CABLES1: variants seen among roughly 807,000 people sequenced by gnomAD.
The protein encoded by CABLES1 is Cdk5 and Abl enzyme substrate 1.
A neutral mutation model predicts 57.8 loss-of-function variants in CABLES1; 36 were observed. The ratio of observed to expected loss-of-function variants is 0.62; its 90% confidence interval spans 0.48 to 0.82. The LOEUF (loss-of-function observed/expected upper bound fraction) is 0.82. Ranked by LOEUF, CABLES1 falls within the 40% of genes least tolerant of loss-of-function variation. The probability of loss-of-function intolerance (pLI) is 0.00; values close to 1 mark genes in which losing one functional copy is unlikely to be tolerated. For missense variants in CABLES1, 767 were observed against 836.6 expected, an observed-to-expected ratio of 0.92 and a Z score of 1.03; for synonymous variants, 374 against 363.0, an observed-to-expected ratio of 1.03 and a Z score of -0.35.
chr18:23,193,322 G>C (rs961158536), intron 2 of CABLES1, among the ~76,000 whole-genome samples: 15 of 152,058 alleles, frequency 9.9e-5, no homozygotes, highest in Admixed American at 6.6e-5. Flanking sequence ...CTCCTGAGTA[G>C]CTGGGATTAC....
chr18:23,220,690 G>T lies in CABLES1; in HGVS notation c.1088+6636G>T, dbSNP rs62093420. ...CTCGGAGGTCACAGCTCTCATAGGT[G>T]TGCCACACACGGGCTGCCCTCTGGG... On this transcript the variant is annotated intron_variant, in intron 4 of 9. Transcript: ENST00000256925. Among the ~76,000 whole-genome samples, 1,141 of 152,274 alleles carry T rather than the reference G, an allele frequency of 7.5e-3. 6 individuals are homozygous for T. Among genetic ancestry groups the T allele is most frequent in the Admixed American group, 0.012 (178 of 15,304 alleles).
rs1414393742 is a variant in CABLES1 at position 23,135,817 on chromosome 18, G to A, written c.55G>A (p.Gly19Ser). The A allele has an allele frequency of 1.0e-6, 1 of 957,206 alleles. No homozygotes were observed. The highest frequency in any genetic ancestry group is 1.2e-6 in the Non-Finnish European group (1 of 805,898). The allele number at this position is 957,206 out of a possible 1,614,324, so 59.3% of individuals were successfully genotyped here. A position where few individuals can be genotyped will look rare whatever the true frequency, so the allele number is the denominator to read the frequency against. The change falls in exon 1 of 10, where the codon GGC becomes AGC. Residue 19 changes from glycine to serine, a missense_variant. Coordinates refer to ENST00000256925, the MANE Select transcript of CABLES1 (RefSeq NM_001100619.3). Reference protein sequence around the residue: ...TTAACSSGSAGTDAAGASGLQ... With the variant: ...TTAACSSGSASTDAAGASGLQ... Reference sequence around the variant, plus strand: ...GGCCGCCTGCAGCAGCGGCAGCGCCGGCACCGACGCCGCGGGCGCCAGCGG... The same window carrying A: ...GGCCGCCTGCAGCAGCGGCAGCGCCAGCACCGACGCCGCGGGCGCCAGCGG...
At chr18:23,191,906 T>TAAA (rs147984743) in intron 2 of CABLES1, among the ~76,000 whole-genome samples, 60 of 82,602 alleles carry the variant, frequency 7.3e-4, no homozygotes, top group African/African-American at 2.6e-3. Context: ...GTTGAATGCT[T>TAAA]AAAAAAAAAA....
intron 4 of CABLES1, among the ~76,000 whole-genome samples, chr18:23,225,531 C>T (rs2035804312): frequency 6.6e-6 from 1 of 152,010 alleles, no homozygotes; most frequent in Non-Finnish European, 1.5e-5. Flanking sequence ...AAAACAAGCC[C>T]ATTACAGAGA....
At chr18:23,200,573 GATTTTAATA>G (rs2047318457) in intron 3 of CABLES1, among the ~76,000 whole-genome samples, 1 of 152,136 alleles carries the variant, frequency 6.6e-6, no homozygotes, top group Admixed American at 6.5e-5. Context: ...GGAGAGGGTA[GATTTTAATA>G]ATCATAGACT....
intron 1 of CABLES1, among the ~76,000 whole-genome samples, chr18:23,148,102 G>A (rs1435019804): frequency 6.8e-6 from 1 of 148,094 alleles, no homozygotes; most frequent in East Asian, 2.0e-4. Context: ...CCATTCTGCT[G>A]CCTCAGCCTC....
intron 1 of CABLES1, among the ~76,000 whole-genome samples, chr18:23,148,432 C>T (rs139196380): frequency 2.2e-3 from 337 of 152,312 alleles, no homozygotes; most frequent in Non-Finnish European, 3.8e-3. Flanking sequence ...CTGCACATGG[C>T]TTCTACCTCC....
At chr18:23,203,728 G>A (rs1241454488) in intron 3 of CABLES1, among the ~76,000 whole-genome samples, 5 of 152,178 alleles carry the variant, frequency 3.3e-5, no homozygotes, top group Non-Finnish European at 7.4e-5. Context: ...CTCGTTACCA[G>A]CCCCGGACTG....
At chr18:23,170,259 G>A (rs889276863) in intron 1 of CABLES1, among the ~76,000 whole-genome samples, 11 of 152,186 alleles carry the variant, frequency 7.2e-5, no homozygotes, top group Admixed American at 2.6e-4. Flanking sequence ...AGTGCATGGC[G>A]CAAATTGTTC....
intron 1 of CABLES1, among the ~76,000 whole-genome samples, chr18:23,170,994 C>A: frequency 6.6e-6 from 1 of 152,228 alleles, no homozygotes; most frequent in East Asian, 1.9e-4. Flanking sequence ...GATAGCATTT[C>A]ACTGTGTTGG....
chr18:23,171,384 A>G (rs573448862), intron 1 of CABLES1, among the ~76,000 whole-genome samples: 7 of 152,188 alleles, frequency 4.6e-5, no homozygotes, highest in East Asian at 1.9e-4. Context: ...GAATGCATCA[A>G]TGAGTGAGTT....
chr18:23,251,567 A>C (rs1347037488), intron 7 of CABLES1, among the ~76,000 whole-genome samples: 8 of 152,328 alleles, frequency 5.3e-5, no homozygotes, highest in African/African-American at 1.7e-4. Context: ...AAATTGTTTA[A>C]TTCAGAGTTC....
intron 9 of CABLES1, among the ~76,000 whole-genome samples, chr18:23,255,196 A>C (rs2048131912): frequency 6.6e-6 from 1 of 152,138 alleles, no homozygotes; most frequent in Admixed American, 6.5e-5. Context: ...TTTGAAGAGC[A>C]AAAGGGGTCA....
intron 3 of CABLES1, among the ~76,000 whole-genome samples, chr18:23,202,567 A>G (rs2047332960): frequency 6.6e-6 from 1 of 152,232 alleles, no homozygotes; most frequent in East Asian, 1.9e-4. Flanking sequence ...AGAAGTGAAG[A>G]TAAATCTCAG....
intron 1 of CABLES1, among the ~76,000 whole-genome samples, chr18:23,143,230 A>G (rs1598795551): frequency 2.0e-5 from 3 of 152,194 alleles, no homozygotes; most frequent in Non-Finnish European, 4.4e-5. Context: ...CAGGTTTTAA[A>G]TAGGGATTCC....
intron 1 of CABLES1, among the ~76,000 whole-genome samples, chr18:23,178,824 C>T (rs1366755810): frequency 6.6e-6 from 1 of 152,104 alleles, no homozygotes; most frequent in African/African-American, 2.4e-5. Flanking sequence ...AGCCAAGAGC[C>T]TTTTGTATTC....
chr18:23,188,169 G>T (rs1338227447), intron 1 of CABLES1, among the ~76,000 whole-genome samples: 1 of 152,136 alleles, frequency 6.6e-6, no homozygotes, highest in Non-Finnish European at 1.5e-5. Flanking sequence ...TTTCAGCCTA[G>T]CAAAAGAAAC....
intron 4 of CABLES1, among the ~76,000 whole-genome samples, chr18:23,223,111 T>C (rs2047501402): frequency 6.6e-6 from 1 of 152,202 alleles, no homozygotes; most frequent in Non-Finnish European, 1.5e-5. Context: ...GCTTCTGCAG[T>C]CTTTGCTCGA....
intron 9 of CABLES1, among the ~76,000 whole-genome samples, chr18:23,255,193 A>C (rs1598890609): frequency 2.6e-5 from 4 of 152,210 alleles, no homozygotes; most frequent in Admixed American, 2.6e-4. Flanking sequence ...GCATTTGAAG[A>C]GCAAAAGGGG....
Sources: allele counts gnomAD v4.1 joint callset (sites outside exome capture counted in the v4.1 genomes callset), GRCh38; gene constraint gnomAD v4.1.1; transcripts MANE v1.5; gene names NCBI Gene and HGNC (gene_info 2026-07-23, HGNC 2026-07-21).